HSD17B12: variants seen among roughly 807,000 people sequenced by gnomAD.
The protein encoded by HSD17B12 is very-long-chain 3-oxoacyl-CoA reductase.
In HSD17B12, 32 loss-of-function variants were observed where a neutral mutation model predicts 39.3. That is an observed-to-expected ratio of 0.81 (90% CI 0.61 to 1.09). HSD17B12 has a LOEUF of 1.09. Ranked by LOEUF, HSD17B12 falls within the 50% of genes least tolerant of loss-of-function variation. HSD17B12 has a pLI of 0.00. For synonymous variants in HSD17B12, 150 were observed against 146.7 expected (o/e 1.02, Z -0.16); for missense variants, 342 against 382.9 (o/e 0.89, Z 0.89).
chr11:43,852,635 G>A (rs1565113493), intron 9 of HSD17B12: 1 of 152,114 alleles, frequency 6.6e-6, no homozygotes, highest in Non-Finnish European at 1.5e-5. Flanking sequence ...CCCATTGTGA[G>A]AGCCTCACTG....
the HSD17B12 span, among the ~76,000 whole-genome samples, chr11:43,672,257 G>A: frequency 6.6e-6 from 1 of 151,974 alleles, no homozygotes; most frequent in Non-Finnish European, 1.5e-5. Context: ...CACCGTGTTA[G>A]CCAGGATGGT....
chr11:43,664,929 C>T, the HSD17B12 span, among the ~76,000 whole-genome samples: 1 of 152,122 alleles, frequency 6.6e-6, no homozygotes, highest in South Asian at 2.1e-4. Flanking sequence ...TAAAATGTCT[C>T]GTTCATGAAA....
At chr11:43,665,381 G>C in the HSD17B12 span, among the ~76,000 whole-genome samples, 8 of 152,120 alleles carry the variant, frequency 5.3e-5, no homozygotes, top group Admixed American at 3.3e-4. Flanking sequence ...ACCATGCCCA[G>C]CTAATTTTTA....
the HSD17B12 span, among the ~76,000 whole-genome samples, chr11:43,663,248 T>G: frequency 1.3e-5 from 2 of 152,126 alleles, no homozygotes; most frequent in African/African-American, 4.8e-5. Flanking sequence ...TGCAGGCATG[T>G]GCCACCACGC....
At chr11:43,580,070 G>C in the HSD17B12 span, among the ~76,000 whole-genome samples, 2 of 146,240 alleles carry the variant, frequency 1.4e-5, no homozygotes, top group African/African-American at 4.9e-5. Context: ...TACTAATGGG[G>C]GGGGGGAGGG....
the HSD17B12 span, among the ~76,000 whole-genome samples, chr11:43,619,209 A>G: frequency 2.2e-4 from 9 of 40,990 alleles, no homozygotes; most frequent in African/African-American, 6.2e-4. Context: ...ATATATATAT[A>G]TATAAAATAT....
At chr11:43,742,022 C>T (rs897121170) in intron 1 of HSD17B12, among the ~76,000 whole-genome samples, 2 of 149,606 alleles carry the variant, frequency 1.3e-5, no homozygotes, top group Non-Finnish European at 3.0e-5. Flanking sequence ...GCGTGAGCCA[C>T]CGCGCCCGGC....
chr11:43,651,024 G>T, the HSD17B12 span, among the ~76,000 whole-genome samples: 1 of 152,190 alleles, frequency 6.6e-6, no homozygotes, highest in Non-Finnish European at 1.5e-5. Context: ...CCCATAAGGG[G>T]AGAGTAATGT....
At chr11:43,766,552 C>T (rs1203291183) in intron 3 of HSD17B12, among the ~76,000 whole-genome samples, 2 of 152,164 alleles carry the variant, frequency 1.3e-5, no homozygotes, top group African/African-American at 2.4e-5. Flanking sequence ...CTTTGTTAAC[C>T]ATCATAGATT....
the HSD17B12 span, among the ~76,000 whole-genome samples, chr11:43,610,879 A>G: frequency 0.022 from 3,356 of 152,274 alleles, 115 homozygotes; most frequent in African/African-American, 0.076. Context: ...CCCAGGGAAT[A>G]TATCAGATCT....
chr11:43,776,068 G>C (rs1362768869), intron 3 of HSD17B12, among the ~76,000 whole-genome samples: 1 of 152,098 alleles, frequency 6.6e-6, no homozygotes, highest in Non-Finnish European at 1.5e-5. Flanking sequence ...ATAAACATAC[G>C]TGTGCATGCG....
intron 1 of HSD17B12, among the ~76,000 whole-genome samples, chr11:43,682,544 C>CA (rs55938101): frequency 2.5e-4 from 30 of 118,450 alleles, no homozygotes; most frequent in African/African-American, 8.6e-4. Flanking sequence ...AGACTCATCT[C>CA]AAAAAAAAAA....
the HSD17B12 span, among the ~76,000 whole-genome samples, chr11:43,624,052 C>G: frequency 1.2e-3 from 174 of 139,978 alleles, no homozygotes; most frequent in Non-Finnish European, 1.5e-3. Flanking sequence ...TCAGATAATT[C>G]AAAGGAAAAA....
the HSD17B12 span, among the ~76,000 whole-genome samples, chr11:43,626,902 C>T: frequency 6.6e-6 from 1 of 152,094 alleles, no homozygotes; most frequent in East Asian, 1.9e-4. Context: ...TTAGAACCTT[C>T]AAACTGATAG....
the HSD17B12 span, chr11:43,584,478 T>C: frequency 6.6e-6 from 1 of 152,394 alleles, no homozygotes. Flanking sequence ...CTTGATTTCA[T>C]GTGAAATGAC....
chr11:43,807,091 T>C (rs189862880), intron 4 of HSD17B12, among the ~76,000 whole-genome samples: 48 of 152,324 alleles, frequency 3.2e-4, no homozygotes. Flanking sequence ...GTACAGTACC[T>C]TTTCTTTCCT....
At chr11:43,682,420 G>A (rs886129273) in intron 1 of HSD17B12, among the ~76,000 whole-genome samples, 1 of 151,994 alleles carries the variant, frequency 6.6e-6, no homozygotes, top group East Asian at 1.9e-4. Flanking sequence ...GCGTGGTGGC[G>A]CGCCCCTGTA....
intron 1 of HSD17B12, among the ~76,000 whole-genome samples, chr11:43,710,458 G>A (rs529462293): frequency 7.2e-5 from 11 of 152,086 alleles, no homozygotes; most frequent in Non-Finnish European, 1.2e-4. Context: ...CTGCCAGAGC[G>A]AACTCACTTT....
At chr11:43,685,338 T>C (rs1377941033) in intron 1 of HSD17B12, among the ~76,000 whole-genome samples, 1 of 152,254 alleles carries the variant, frequency 6.6e-6, no homozygotes, top group African/African-American at 2.4e-5. Flanking sequence ...GTTTTCACAT[T>C]GGTTAACTGC....
Sources: gnomAD v4.1 joint callset for allele counts (sites outside exome capture counted in the v4.1 genomes callset) on GRCh38, gnomAD v4.1.1 for gene constraint, MANE v1.5 for transcripts, NCBI Gene and HGNC (gene_info 2026-07-23, HGNC 2026-07-21) for gene names.